The following CUX1 variants were observed in gnomAD, a reference collection of about 807,000 sequenced individuals.
CUX1 encodes protein CASP.
A neutral mutation model predicts 158.8 loss-of-function variants in CUX1; 31 were observed. The observed-to-expected ratio is 0.20, with a 90% confidence interval of 0.15 to 0.26. The LOEUF (loss-of-function observed/expected upper bound fraction) is 0.26, where lower values mean the gene tolerates loss of function less well. Among genes scored for constraint, CUX1 ranks in the 10% least tolerant of loss-of-function variants. The probability of loss-of-function intolerance (pLI) is 1.00; values close to 1 mark genes in which losing one functional copy is unlikely to be tolerated. For missense variants in CUX1, 1,589 were observed against 2,014.6 expected (o/e 0.79, Z 4.04); for synonymous variants, 879 against 862.1 (o/e 1.02, Z -0.34).
At chr7:102,041,858 G>A (rs548446993) in intron 3 of CUX1, among the ~76,000 whole-genome samples, 42 of 151,952 alleles carry the variant, frequency 2.8e-4, no homozygotes, top group African/African-American at 9.4e-4. Flanking sequence ...TAGTAGAGAC[G>A]GGATTTTGCC....
chr7:102,142,623 T>A (rs1198387534), intron 8 of CUX1, among the ~76,000 whole-genome samples: 1 of 109,270 alleles, frequency 9.2e-6, no homozygotes, highest in Admixed American at 9.1e-5. Flanking sequence ...AGACCCTGTC[T>A]CTACAAAAAA....
chr7:102,091,865 C>T (rs112843426), intron 4 of CUX1, among the ~76,000 whole-genome samples: 12,559 of 152,156 alleles, frequency 0.083, 804 homozygotes, highest in African/African-American at 0.18. Context: ...AAGCAATTCT[C>T]CTGCCTCAGC....
intron 1 of CUX1, among the ~76,000 whole-genome samples, chr7:101,899,561 A>G (rs1431954637): frequency 6.6e-6 from 1 of 152,188 alleles, no homozygotes; most frequent in African/African-American, 2.4e-5. Context: ...AAATAAAAAA[A>G]TAAAGAAGTC....
At chr7:102,279,170 G>A (rs961127454) in intron 18 of CUX1, among the ~76,000 whole-genome samples, 14 of 151,956 alleles carry the variant, frequency 9.2e-5, no homozygotes, top group Admixed American at 3.3e-4. Flanking sequence ...GTGAAACCCC[G>A]TCTCTACTAA....
chr7:101,978,922 G>C (rs1028321103), intron 2 of CUX1, among the ~76,000 whole-genome samples: 1 of 152,242 alleles, frequency 6.6e-6, no homozygotes, highest in African/African-American at 2.4e-5. Context: ...CCCAGGCACA[G>C]AGCCCGGGGT....
chr7:102,254,446 C>A lies in CUX1; in HGVS notation c.*5404C>A. The A allele has an allele frequency of 4.1e-6, 4 of 985,528 alleles. No homozygotes were observed. Among genetic ancestry groups the A allele is most frequent in the Non-Finnish European group, 4.8e-6 (4 of 829,994 alleles). 61.0% of individuals were successfully genotyped at this position (985,528 alleles called of 1,614,324 possible). On this transcript the variant is annotated 3_prime_UTR_variant, in exon 24 of 24. Transcript: ENST00000292535. ...AGATGGCTTCCTCCAGCCTACACGC[C>A]CCGTCCACAGTGGCATCACCCTCTT...
chr7:102,275,159 C>A, intron 16 of CUX1: 1 of 900,830 alleles, frequency 1.1e-6, no homozygotes, highest in Non-Finnish European at 1.7e-6. Flanking sequence ...TGGCAGAAAT[C>A]CCCCAGGGCT....
Position 102,254,336 on chromosome 7 carries a change from G to A in CUX1, c.*5294G>A, listed in dbSNP as rs375019222. 3 of 985,320 alleles carry A rather than the reference G, an allele frequency of 3.0e-6. No homozygotes were observed. In the African/African-American group the frequency reaches 5.2e-5, roughly 17 times the overall value. The allele number at this position is 985,320 out of a possible 1,614,324, so 61.0% of individuals were successfully genotyped here. On this transcript the variant is annotated 3_prime_UTR_variant, in exon 24 of 24. Coordinates refer to ENST00000292535, the MANE Select transcript of CUX1 (RefSeq NM_181552.4). ...GGCTTTGGGGAACACTGTAGCTCTT[G>A]GGTGTCTCTTGTCTCTGGCATGGTT... is the stretch of plus-strand genomic sequence containing the variant.
At chr7:102,071,086 G>T (rs1258227265) in intron 4 of CUX1, among the ~76,000 whole-genome samples, 1 of 152,042 alleles carries the variant, frequency 6.6e-6, no homozygotes, top group Non-Finnish European at 1.5e-5. Context: ...CTCCCAAGTG[G>T]CTGGGAGGTA....
intron 23 of CUX1, among the ~76,000 whole-genome samples, chr7:102,244,552 G>A (rs1392040702): frequency 1.3e-5 from 2 of 152,046 alleles, no homozygotes; most frequent in Non-Finnish European, 2.9e-5. Context: ...AAAAACAGGC[G>A]GGCGTGGTGG....
chr7:101,936,646 A>G (rs1282895567), intron 2 of CUX1, among the ~76,000 whole-genome samples: 1 of 152,126 alleles, frequency 6.6e-6, no homozygotes, highest in Non-Finnish European at 1.5e-5. Context: ...TCTGGATTGG[A>G]GGCGGCAGCC....
At chr7:101,987,980 G>A (rs936172454) in intron 2 of CUX1, among the ~76,000 whole-genome samples, 1 of 152,176 alleles carries the variant, frequency 6.6e-6, no homozygotes, top group Non-Finnish European at 1.5e-5. Flanking sequence ...GGGAGGCCGA[G>A]GCAGGTGGAT....
At chr7:102,037,809 C>T (rs1264838976) in intron 3 of CUX1, among the ~76,000 whole-genome samples, 1 of 151,780 alleles carries the variant, frequency 6.6e-6, no homozygotes, top group Non-Finnish European at 1.5e-5. Flanking sequence ...AATCTCAGCA[C>T]TTTGGGAGGC....
At chr7:102,236,202 G>A (rs1386259773) in intron 22 of CUX1, among the ~76,000 whole-genome samples, 4 of 152,214 alleles carry the variant, frequency 2.6e-5, no homozygotes, top group African/African-American at 9.6e-5. Context: ...CGCTGCCTCT[G>A]TGCTGCGAGC....
intron 1 of CUX1, among the ~76,000 whole-genome samples, chr7:101,855,432 A>T (rs1476295067): frequency 6.6e-6 from 1 of 152,242 alleles, no homozygotes; most frequent in Non-Finnish European, 1.5e-5. Flanking sequence ...TCATAGGTTG[A>T]TAAGGAAAAT....
chr7:101,937,276 TG>T (rs1807058309), intron 2 of CUX1, among the ~76,000 whole-genome samples: 6 of 152,116 alleles, frequency 3.9e-5, no homozygotes, highest in Non-Finnish European at 8.8e-5. Context: ...GCTCAGGTGG[TG>T]GAAATGAATC....
intron 1 of CUX1, among the ~76,000 whole-genome samples, chr7:101,855,802 C>T (rs1796724120): frequency 6.8e-6 from 1 of 147,660 alleles, no homozygotes; most frequent in African/African-American, 2.5e-5. Context: ...CGCTTGAACC[C>T]GAGAGGCGGA....
intron 2 of CUX1, among the ~76,000 whole-genome samples, chr7:101,974,991 T>A (rs1448189332): frequency 6.6e-6 from 1 of 152,160 alleles, no homozygotes. Flanking sequence ...CTCATACCTC[T>A]AATCCCAGCA....
chr7:101,826,168 G>T (rs1401876675), intron 1 of CUX1, among the ~76,000 whole-genome samples: 1 of 151,926 alleles, frequency 6.6e-6, no homozygotes, highest in Non-Finnish European at 1.5e-5. Context: ...GTACATCTGA[G>T]CTTCAAGCCT....
Sources: gnomAD v4.1 joint callset for allele counts (sites outside exome capture counted in the v4.1 genomes callset) on GRCh38, gnomAD v4.1.1 for gene constraint, MANE v1.5 for transcripts, NCBI Gene and HGNC (gene_info 2026-07-23, HGNC 2026-07-21) for gene names.